SSPN: variants seen among roughly 807,000 people sequenced by gnomAD.
SSPN encodes the protein sarcospan, also known as K-ras oncogene-associated protein.
In SSPN, 15 loss-of-function variants were observed where a neutral mutation model predicts 19.1. That is an observed-to-expected ratio of 0.78 (90% confidence interval 0.52 to 1.21). The LOEUF (loss-of-function observed/expected upper bound fraction) is 1.21, where lower values mean the gene tolerates loss of function less well. SSPN is among the 50% of genes most tolerant of loss of function. The probability of loss-of-function intolerance (pLI) is 0.00; values close to 1 mark genes in which losing one functional copy is unlikely to be tolerated. For synonymous variants in SSPN, 147 were observed against 140.3 expected (o/e 1.05, Z -0.34); for missense variants, 291 against 314.0 (o/e 0.93, Z 0.55).
At position 26,232,247 on chromosome 12, in the gene SSPN, A is replaced by G. The variant is rs891261801; in HGVS notation, c.*1171A>G. On this transcript the variant is annotated 3_prime_UTR_variant, in exon 3 of 3. Coordinates refer to ENST00000242729, the MANE Select transcript of SSPN (RefSeq NM_005086.5). ...TGCTTAGTCAACCTAGGAAATCAAA[A>G]TAATGTTTTGAAGTTCTTATTTGAG... 1 of 985,442 alleles carries G rather than the reference A, an allele frequency of 1.0e-6. No homozygotes were observed. Among genetic ancestry groups the G allele is most frequent in the Non-Finnish European group, 1.2e-6 (1 of 829,926 alleles). 61.0% of individuals were successfully genotyped at this position (985,442 alleles called of 1,614,324 possible).
chr12:26,143,808 AGCT>A, intron 1 of SSPN, among the ~76,000 whole-genome samples: 1 of 152,360 alleles, frequency 6.6e-6, no homozygotes, highest in Admixed American at 6.5e-5. Flanking sequence ...CTGTATTTAC[AGCT>A]GCTCCCCTTT....
intron 1 of SSPN, among the ~76,000 whole-genome samples, chr12:26,176,601 TC>T (rs1388567954): frequency 1.3e-5 from 2 of 151,982 alleles, no homozygotes; most frequent in Non-Finnish European, 2.9e-5. Context: ...AAAAATCTTC[TC>T]CCTTATTTCT....
At chr12:26,222,035 G>A (rs1342775499) in intron 1 of SSPN, among the ~76,000 whole-genome samples, 2 of 152,108 alleles carry the variant, frequency 1.3e-5, no homozygotes, top group Admixed American at 1.3e-4. Flanking sequence ...CATGTTAGGG[G>A]CTACATGAAT....
intron 1 of SSPN, among the ~76,000 whole-genome samples, chr12:26,137,255 G>A (rs990758606): frequency 6.6e-6 from 1 of 152,114 alleles, no homozygotes; most frequent in East Asian, 1.9e-4. Flanking sequence ...AAAACACTGC[G>A]GCTGCAGAGT....
At chr12:26,148,324 G>T (rs900802075) in intron 1 of SSPN, among the ~76,000 whole-genome samples, 2 of 152,246 alleles carry the variant, frequency 1.3e-5, no homozygotes, top group African/African-American at 4.8e-5. Context: ...TGAAGGAAAT[G>T]AAGATGCTGC....
At chr12:26,223,258 T>C (rs1945142030) in intron 1 of SSPN, among the ~76,000 whole-genome samples, 1 of 152,238 alleles carries the variant, frequency 6.6e-6, no homozygotes, top group Non-Finnish European at 1.5e-5. Flanking sequence ...TTACCCAGAC[T>C]GGAGTGCAAT....
intron 1 of SSPN, among the ~76,000 whole-genome samples, chr12:26,199,769 C>T (rs1944861750): frequency 6.6e-6 from 1 of 152,218 alleles, no homozygotes; most frequent in African/African-American, 2.4e-5. Flanking sequence ...TTGGTTTTCC[C>T]TTCCTCATTC....
chr12:26,174,879 G>A (rs1004996986), intron 1 of SSPN, among the ~76,000 whole-genome samples: 5 of 152,026 alleles, frequency 3.3e-5, no homozygotes, highest in East Asian at 3.9e-4. Context: ...ATTAGTTTGC[G>A]TTTTCTAGGA....
At chr12:26,224,503 C>A in intron 2 of SSPN, 124 bp downstream of exon 2, 1 of 792,962 alleles carries the variant, frequency 1.3e-6, no homozygotes, top group Non-Finnish European at 2.1e-6. Context: ...TTTAGGCAGG[C>A]CAAAAAATGT....
intron 1 of SSPN, among the ~76,000 whole-genome samples, chr12:26,168,391 C>A (rs1337780340): frequency 6.6e-6 from 1 of 152,090 alleles, no homozygotes; most frequent in Non-Finnish European, 1.5e-5. Context: ...CAATCCACCC[C>A]GCCCAGTGTT....
At position 26,148,707 on chromosome 12, in the gene SSPN, T is replaced by TA. The variant is rs1944507800; in HGVS notation, c.-31+26561dup. ...CTGTAACATGGTGCATTTTTCTTTT[T>TA]AAAAAAGCTTGCTTTATGATGAAAT... is the stretch of plus-strand genomic sequence containing the variant. On this transcript the variant is annotated intron_variant, in intron 1 of 2. Transcript: ENST00000538142. 3.9e-5 allele frequency among the ~76,000 whole-genome samples: 6 copies of TA among 152,320 alleles called. No individual in the cohort carries two copies. In the South Asian group the frequency reaches 1.2e-3, roughly 32 times the overall value.
upstream of SSPN, among the ~76,000 whole-genome samples, chr12:26,191,084 A>G (rs1309709690): frequency 6.6e-6 from 1 of 152,234 alleles, no homozygotes; most frequent in Admixed American, 6.5e-5. Flanking sequence ...GCCTGCATCA[A>G]TAGTTCACCC....
At chr12:26,129,570 G>A (rs1301083798) in intron 1 of SSPN, among the ~76,000 whole-genome samples, 1 of 152,168 alleles carries the variant, frequency 6.6e-6, no homozygotes, top group Non-Finnish European at 1.5e-5. Flanking sequence ...GAAAGTACCG[G>A]ATTTTAAATG....
intron 1 of SSPN, among the ~76,000 whole-genome samples, chr12:26,127,228 G>T (rs1161330617): frequency 6.6e-6 from 1 of 152,174 alleles, no homozygotes; most frequent in East Asian, 1.9e-4. Flanking sequence ...TTTTGGCCTC[G>T]TCGGGCTAAA....
At chr12:26,122,025 T>G in exon 1 of SSPN, 1 of 1,547,562 alleles carries the variant, frequency 6.5e-7, no homozygotes, top group Non-Finnish European at 8.7e-7. Flanking sequence ...TATTTTAACT[T>G]CTCACTCTGC....
At chr12:26,142,695 A>G (rs766830804) in intron 1 of SSPN, among the ~76,000 whole-genome samples, 1 of 152,222 alleles carries the variant, frequency 6.6e-6, no homozygotes, top group Non-Finnish European at 1.5e-5. Context: ...TGGTTGAGCT[A>G]TTTCAGGACA....
chr12:26,186,076 A>G (rs1254580485), intron 1 of SSPN, among the ~76,000 whole-genome samples: 1 of 152,222 alleles, frequency 6.6e-6, no homozygotes, highest in East Asian at 1.9e-4. Context: ...GTTAGTCTTT[A>G]GAAAATGAAT....
At chr12:26,191,924 A>C (rs574388512), upstream of SSPN, among the ~76,000 whole-genome samples, 143 of 152,348 alleles carry the variant, frequency 9.4e-4, no homozygotes, top group Admixed American at 3.5e-3. Flanking sequence ...AGACCTTGGA[A>C]ATGTAATAAT....
chr12:26,151,096 G>GA (rs1310198843), intron 1 of SSPN, among the ~76,000 whole-genome samples: 9 of 151,684 alleles, frequency 5.9e-5, no homozygotes, highest in Non-Finnish European at 1.0e-4. Flanking sequence ...GGAACTTAGG[G>GA]AAAAAAAGGG....
Sources: gnomAD v4.1 joint callset for allele counts (sites outside exome capture counted in the v4.1 genomes callset) on GRCh38, gnomAD v4.1.1 for gene constraint, MANE v1.5 for transcripts, NCBI Gene and HGNC (gene_info 2026-07-23, HGNC 2026-07-21) for gene names.